VAV2: variants seen among roughly 807,000 people sequenced by gnomAD.
VAV2 encodes the protein guanine nucleotide exchange factor VAV2.
In VAV2, 67 loss-of-function variants were observed where a neutral mutation model predicts 132.5. The ratio of observed to expected loss-of-function variants is 0.51; its 90% CI spans 0.42 to 0.62. The LOEUF (loss-of-function observed/expected upper bound fraction) is 0.62, where lower values mean the gene tolerates loss of function less well. Ranked by LOEUF, VAV2 falls within the 20% of genes least tolerant of loss-of-function variation. The pLI, the probability that VAV2 is intolerant of heterozygous loss-of-function variation, is 0.00. For synonymous variants in VAV2, 492 were observed against 443.5 expected (o/e 1.11, Z -1.37); for missense variants, 938 against 1,153.6 (o/e 0.81, Z 2.71).
intron 19 of VAV2, among the ~76,000 whole-genome samples, chr9:133,783,164 C>G (rs980817506): frequency 6.6e-5 from 10 of 152,186 alleles, no homozygotes; most frequent in African/African-American, 2.4e-4. Flanking sequence ...TGAGAAACCT[C>G]CATGCACCTG....
intron 3 of VAV2, among the ~76,000 whole-genome samples, chr9:133,849,138 G>C (rs1241838108): frequency 3.9e-5 from 6 of 152,086 alleles, no homozygotes; most frequent in Non-Finnish European, 7.4e-5. Flanking sequence ...TAAAGGGAAG[G>C]ACAGGAGTTG....
rs932920290 is a variant in VAV2, at chr9:133,939,996, C to T, written c.205-777G>A. On this transcript the variant is annotated intron_variant, in intron 1 of 29. Transcript: ENST00000371850. ...GGCGGAAGGCTTGGCTGGGGCGGAA[C>T]GGCCATCTGCCCAGTCCTCGTGGAG... Among the ~76,000 whole-genome samples the T allele has an allele frequency of 2.6e-5, 4 of 152,226 alleles. No individual in the cohort carries two copies. In the South Asian group the frequency reaches 6.2e-4, roughly 24 times the overall value.
At chr9:133,805,329 A>T (rs1015168831) in intron 9 of VAV2, among the ~76,000 whole-genome samples, 1 of 152,176 alleles carries the variant, frequency 6.6e-6, no homozygotes, top group African/African-American at 2.4e-5. Flanking sequence ...TCTAGTGAGC[A>T]GCCAAGTTCA....
rs987129212 is a variant in VAV2, at chr9:133,991,556, G to A, written c.204+519C>T. 2.6e-5 allele frequency among the ~76,000 whole-genome samples: 4 copies of A among 151,900 alleles called. No homozygotes were observed. Among genetic ancestry groups the A allele is most frequent in the African/African-American group, 7.2e-5 (3 of 41,416 alleles). On this transcript the variant is annotated intron_variant, in intron 1 of 29. Coordinates refer to ENST00000371850, the MANE Select transcript of VAV2 (RefSeq NM_001134398.2). This position sits in a 1 kb window ranked among gnomAD's most constrained non-coding sequence, Gnocchi z 4.8. The stretch of plus-strand genomic sequence containing the variant: ...GGAGGCCGGCGAGGGGGCGGTGCCC[G>A]GGGCCAACCCAGCTCCCTCCGGCCC...
At position 133,912,553 on chromosome 9, in the gene VAV2, C is replaced by G. The variant is rs150005865; in HGVS notation, c.321+26550G>C. On this transcript the variant is annotated intron_variant, in intron 2 of 29. Transcript: ENST00000371850. The surrounding 1 kb of genome is among the most constrained non-coding windows in gnomAD (Gnocchi z 4.3). ...CAGCCAAATTCTGGGGGTGGGGGCA[C>G]ACGGGGAGAGGTTCCTGCACCCTAA... Among the ~76,000 whole-genome samples, 142 of 152,222 alleles carry G rather than the reference C, an allele frequency of 9.3e-4. No individual in the cohort carries two copies. Among genetic ancestry groups the G allele is most frequent in the Middle Eastern group, 3.4e-3 (1 of 294 alleles).
At chr9:133,955,557 G>T (rs1446725612) in intron 1 of VAV2, among the ~76,000 whole-genome samples, 2 of 15,016 alleles carry the variant, frequency 1.3e-4, no homozygotes, top group South Asian at 6.3e-3. Flanking sequence ...CACTCCCCAC[G>T]GTCCTCCCCA....
intron 1 of VAV2, among the ~76,000 whole-genome samples, chr9:133,979,231 C>T (rs761766275): frequency 3.9e-5 from 6 of 152,208 alleles, no homozygotes; most frequent in African/African-American, 1.2e-4. Flanking sequence ...GCCGGGTCCT[C>T]GGCCAACCCT....
At chr9:133,789,977 C>A (rs192128854) in intron 13 of VAV2, among the ~76,000 whole-genome samples, 1 of 152,240 alleles carries the variant, frequency 6.6e-6, no homozygotes, top group Non-Finnish European at 1.5e-5. Context: ...GCTCGAGGCA[C>A]AGGCTCAGTG....
intron 1 of VAV2, among the ~76,000 whole-genome samples, chr9:133,982,107 C>T (rs969095958): frequency 6.6e-5 from 10 of 152,190 alleles, no homozygotes; most frequent in African/African-American, 2.4e-4. Flanking sequence ...GGAAAGGCTT[C>T]CCAGGACAGG....
At chr9:133,933,884 T>G (rs1457980754) in intron 2 of VAV2, among the ~76,000 whole-genome samples, 31 of 19,630 alleles carry the variant, frequency 1.6e-3, no homozygotes, top group Non-Finnish European at 5.2e-3. Flanking sequence ...GATGGATGAA[T>G]GATGGATGGA....
chr9:133,795,712 G>A lies in VAV2; in HGVS notation c.1057C>T (p.Arg353Trp), dbSNP rs200570910. The change falls in exon 12 of 30, where the codon CGG becomes TGG. Residue 353 changes from arginine (R) to tryptophan (W), a missense_variant. Physicochemically the swap from Arg to Trp is moderately radical, Grantham distance 101 (BLOSUM62 -3). Coordinates refer to ENST00000371850, the MANE Select transcript of VAV2 (RefSeq NM_001134398.2). Reference protein sequence around the residue: ...LKELLSHSAERPERQQLKEAL... With the variant: ...LKELLSHSAEWPERQQLKEAL... Reference sequence around the variant, plus strand: ...TCTTTGAGCTGCTGCCTCTCAGGCCGTTCCGCAGAATGGCTCAGAAGCTCC... The same window carrying A: ...TCTTTGAGCTGCTGCCTCTCAGGCCATTCCGCAGAATGGCTCAGAAGCTCC... 57 of 1,614,122 alleles carry A rather than the reference G, an allele frequency of 3.5e-5. No homozygotes were observed. The highest frequency in any genetic ancestry group is 3.1e-4 in the East Asian group (14 of 44,880).
intron 29 of VAV2, among the ~76,000 whole-genome samples, chr9:133,766,134 G>A (rs533771): frequency 0.59 from 90,452 of 152,038 alleles, 29,085 homozygotes; most frequent in African/African-American, 0.82. Flanking sequence ...AGGAAATGGG[G>A]AGCCCTGGGA....
At chr9:133,820,258 G>A (rs1189660128) in intron 4 of VAV2, among the ~76,000 whole-genome samples, 3 of 152,120 alleles carry the variant, frequency 2.0e-5, no homozygotes, top group Admixed American at 6.5e-5. Flanking sequence ...CATCACCGAC[G>A]TGGAAATGCC....
At chr9:133,880,106 G>A (rs978550265) in intron 2 of VAV2, among the ~76,000 whole-genome samples, 6 of 152,160 alleles carry the variant, frequency 3.9e-5, no homozygotes, top group Non-Finnish European at 5.9e-5. Context: ...GCCAAGGAAG[G>A]ACCCACCTGG....
chr9:133,979,170 T>C (rs1842611492), intron 1 of VAV2, among the ~76,000 whole-genome samples: 1 of 152,184 alleles, frequency 6.6e-6, no homozygotes, highest in Non-Finnish European at 1.5e-5. Context: ...CTGCAGGGGC[T>C]GGGAGACATG....
At chr9:133,877,283 G>A (rs958690095) in intron 2 of VAV2, among the ~76,000 whole-genome samples, 11 of 152,092 alleles carry the variant, frequency 7.2e-5, no homozygotes, top group African/African-American at 2.7e-4. Flanking sequence ...TCTGCACAAC[G>A]ATGCCAAGAT....
chr9:133,932,617 G>A (rs1391380328), intron 2 of VAV2, among the ~76,000 whole-genome samples: 1 of 152,212 alleles, frequency 6.6e-6, no homozygotes, highest in Non-Finnish European at 1.5e-5. Flanking sequence ...ACACCTCCAA[G>A]GGGACAGTCT....
intron 3 of VAV2, among the ~76,000 whole-genome samples, chr9:133,836,483 A>G (rs746666362): frequency 6.6e-6 from 1 of 152,232 alleles, no homozygotes; most frequent in Non-Finnish European, 1.5e-5. Flanking sequence ...TAGAATCAAA[A>G]TTCTCATTAT....
At position 133,882,756 on chromosome 9, in the gene VAV2, C is replaced by T. The variant is rs184899089; in HGVS notation, c.322-21324G>A. 2.3e-3 allele frequency among the ~76,000 whole-genome samples: 352 copies of T among 152,244 alleles called. 1 individual carries two copies. Among genetic ancestry groups the T allele is most frequent in the African/African-American group, 7.8e-3 (326 of 41,530 alleles). On this transcript the variant is annotated intron_variant, in intron 2 of 29. Transcript: ENST00000371850. Reference sequence around the variant, plus strand: ...AAAAGGATAAATGTCACAAACACAGCGCTCAGCCCTTCAGAGCAGACAGAC... The same window carrying T: ...AAAAGGATAAATGTCACAAACACAGTGCTCAGCCCTTCAGAGCAGACAGAC...
Sources: allele counts gnomAD v4.1 joint callset (sites outside exome capture counted in the v4.1 genomes callset), GRCh38; gene constraint gnomAD v4.1.1; non-coding constraint Gnocchi (gnomAD v3.1); transcripts MANE v1.5; gene names NCBI Gene and HGNC (gene_info 2026-07-23, HGNC 2026-07-21).